ITGB6: variants seen among roughly 807,000 people sequenced by gnomAD.
ITGB6 encodes integrin subunit beta 6.
In ITGB6, 80 loss-of-function variants were observed where a neutral mutation model predicts 84.5. That is an observed-to-expected ratio of 0.95 (90% CI 0.79 to 1.14). The LOEUF (loss-of-function observed/expected upper bound fraction) is 1.14, where lower values mean the gene tolerates loss of function less well. Ranked by LOEUF, ITGB6 falls within the 50% of genes most tolerant of loss-of-function variation. The pLI, the probability that ITGB6 is intolerant of heterozygous loss-of-function variation, is 0.00. For missense variants in ITGB6, 1,006 were observed against 968.0 expected, an observed-to-expected ratio of 1.04 and a Z score of -0.52; for synonymous variants, 383 against 354.9, an observed-to-expected ratio of 1.08 and a Z score of -0.89.
intron 6 of ITGB6, 49 bp downstream of exon 6, chr2:160,172,520 G>A (rs774388203): frequency 2.3e-5 from 35 of 1,504,154 alleles, no homozygotes; most frequent in Middle Eastern, 1.8e-4. Flanking sequence ...TTGTTGCTTC[G>A]TTCTCCTACT....
chr2:160,184,574 T>G (rs1685817916), intron 4 of ITGB6, among the ~76,000 whole-genome samples: 2 of 152,210 alleles, frequency 1.3e-5, no homozygotes, highest in Admixed American at 1.3e-4. Flanking sequence ...GTACCATTCC[T>G]TTTGAAACTA....
At chr2:160,129,799 G>A (rs1381609043) in intron 10 of ITGB6, among the ~76,000 whole-genome samples, 1 of 152,110 alleles carries the variant, frequency 6.6e-6, no homozygotes, top group African/African-American at 2.4e-5. Context: ...ATTGGAGTAG[G>A]AGAGTCCTGG....
intron 7 of ITGB6, among the ~76,000 whole-genome samples, chr2:160,147,474 C>G (rs1684243067): frequency 6.6e-6 from 1 of 152,118 alleles, no homozygotes; most frequent in Non-Finnish European, 1.5e-5. Context: ...TGGATATGAA[C>G]AAACTGATTC....
At chr2:160,197,827 G>C (rs779680295) in intron 2 of ITGB6, among the ~76,000 whole-genome samples, 3 of 152,214 alleles carry the variant, frequency 2.0e-5, no homozygotes, top group African/African-American at 7.2e-5. Context: ...AAGATCAGAG[G>C]TGGTGTTAAC....
At chr2:160,186,927 A>T (rs1326300252) in intron 4 of ITGB6, among the ~76,000 whole-genome samples, 2 of 150,366 alleles carry the variant, frequency 1.3e-5, no homozygotes, top group African/African-American at 4.9e-5. Flanking sequence ...GAACACATGG[A>T]CACAGGGAGG....
intron 10 of ITGB6, 82 bp from the exon 11 acceptor site, chr2:160,126,683 G>C (rs1429388900): frequency 7.7e-7 from 1 of 1,305,468 alleles, no homozygotes; most frequent in Admixed American, 2.0e-5. Context: ...TTTTCTCTTT[G>C]TCTTTAAGCA....
At chr2:160,172,534 A>G (rs752863743) in intron 6 of ITGB6, 35 bp downstream of exon 6, 2 of 1,538,904 alleles carry the variant, frequency 1.3e-6, no homozygotes, top group Non-Finnish European at 1.8e-6. Context: ...TCCTACTTAT[A>G]GCCCTGAAAA....
In ITGB6 at chr2:160,172,678, T is replaced by C. The variant is rs747875880; in HGVS notation, c.812A>G (p.Asp271Gly). The change falls in exon 6 of 15, where the codon GAT becomes GGT. Residue 271 changes from aspartate to glycine, a missense_variant. By Grantham distance (94) the Asp-to-Gly change is moderately conservative. Transcript: ENST00000283249. The part of the protein sequence containing the change: ...DSLHLLVFVS[D>G]ADSHFGMDSK... ...GTCCATTCCAAAATGAGAATCAGCA[T>C]CACTCACAAAGACCAGGAGGTGGAG... 6.2e-7 allele frequency: 1 copy of C among 1,610,514 alleles called. No homozygotes were observed. Among genetic ancestry groups the C allele is most frequent in the South Asian group, 1.1e-5 (1 of 90,976 alleles).
At chr2:160,134,785 A>G (rs1683635055) in intron 10 of ITGB6, among the ~76,000 whole-genome samples, 1 of 152,266 alleles carries the variant, frequency 6.6e-6, no homozygotes, top group Admixed American at 6.5e-5. Flanking sequence ...TAGCATATAA[A>G]CAGAACCAAT....
chr2:160,177,509 T>A (rs1685474707), intron 4 of ITGB6, among the ~76,000 whole-genome samples: 1 of 151,636 alleles, frequency 6.6e-6, no homozygotes, highest in African/African-American at 2.4e-5. Flanking sequence ...AGGCGGAGCT[T>A]GCAGTGAGCC....
chr2:160,139,664 C>G (rs1190954329), intron 8 of ITGB6, among the ~76,000 whole-genome samples: 1 of 152,064 alleles, frequency 6.6e-6, no homozygotes, highest in Non-Finnish European at 1.5e-5. Flanking sequence ...CAAATTTGAC[C>G]AGGAATATTT....
chr2:160,117,307 A>G (rs1322158388), intron 12 of ITGB6, among the ~76,000 whole-genome samples: 1 of 152,040 alleles, frequency 6.6e-6, no homozygotes, highest in Non-Finnish European at 1.5e-5. Flanking sequence ...AAATTATAAC[A>G]AACTGTCTCT....
intron 12 of ITGB6, among the ~76,000 whole-genome samples, 154 bp downstream of exon 12, chr2:160,123,637 A>T (rs1413843247): frequency 6.6e-6 from 1 of 152,184 alleles, no homozygotes; most frequent in Non-Finnish European, 1.5e-5. Context: ...GTCTTATAGG[A>T]TGCATTTACT....
intron 5 of ITGB6, 53 bp from the exon 6 acceptor site, chr2:160,172,783 T>C: frequency 7.1e-7 from 1 of 1,417,570 alleles, no homozygotes; most frequent in East Asian, 2.3e-5. Context: ...AGGCATTTAT[T>C]GAGTGTGGAT....
chr2:160,137,912 G>C (rs754621378), intron 9 of ITGB6, 61 bp from the exon 10 acceptor site: 26 of 1,566,312 alleles, frequency 1.7e-5, no homozygotes, highest in Non-Finnish European at 2.2e-5. Context: ...GTGAAACAAG[G>C]CTTCACGGAA....
At position 160,100,393 on chromosome 2, in the gene ITGB6, A is replaced by G. The variant is rs1696670795; in HGVS notation, c.*1343T>C. 6.6e-6 allele frequency: 1 copy of G among 152,256 alleles called. No homozygotes were observed. The highest frequency in any genetic ancestry group is 6.5e-5 in the Admixed American group (1 of 15,276). The allele number at this position is 152,256 out of a possible 1,614,324, so 9.4% of individuals were successfully genotyped here. On this transcript the variant is annotated 3_prime_UTR_variant, in exon 15 of 15. Coordinates refer to ENST00000283249, the MANE Select transcript of ITGB6 (RefSeq NM_000888.5). ...AGTCTCGAACATTTTCAAACAAATG[A>G]CAGTTATCACTTAACTAACACAATC...
intron 4 of ITGB6, among the ~76,000 whole-genome samples, chr2:160,186,324 T>G (rs1174914501): frequency 6.7e-6 from 1 of 149,660 alleles, no homozygotes; most frequent in Non-Finnish European, 1.5e-5. Context: ...CAGACACTTC[T>G]CAAAAGAAGA....
chr2:160,133,694 TA>T (rs1245345642), intron 10 of ITGB6, among the ~76,000 whole-genome samples: 1 of 152,096 alleles, frequency 6.6e-6, no homozygotes, highest in African/African-American at 2.4e-5. Flanking sequence ...ACAGAAATTA[TA>T]ACAAACTGTC....
At chr2:160,121,447 T>G (rs886828761) in intron 12 of ITGB6, among the ~76,000 whole-genome samples, 4 of 152,236 alleles carry the variant, frequency 2.6e-5, no homozygotes, top group African/African-American at 9.6e-5. Context: ...GAATATACTT[T>G]GAGAAACAAT....
Sources: gnomAD v4.1 joint callset for allele counts (sites outside exome capture counted in the v4.1 genomes callset) on GRCh38, gnomAD v4.1.1 for gene constraint, MANE v1.5 for transcripts, NCBI Gene and HGNC (gene_info 2026-07-23, HGNC 2026-07-21) for gene names.